TLK1: variants seen among roughly 807,000 people sequenced by gnomAD.
TLK1 encodes the protein serine/threonine-protein kinase tousled-like 1.
TLK1 carries 24 observed loss-of-function variants against 105.3 expected under a neutral mutation model. The ratio of observed to expected loss-of-function variants is 0.23; its 90% CI spans 0.17 to 0.32. The LOEUF (loss-of-function observed/expected upper bound fraction) is 0.32. Ranked by LOEUF, TLK1 falls within the 10% of genes least tolerant of loss-of-function variation. The probability of loss-of-function intolerance (pLI) is 1.00; values close to 1 mark genes in which losing one functional copy is unlikely to be tolerated. For synonymous variants in TLK1, 321 were observed against 310.4 expected (o/e 1.03, Z -0.36); for missense variants, 558 against 910.5 (o/e 0.61, Z 4.98).
intron 1 of TLK1, among the ~76,000 whole-genome samples, chr2:171,185,704 C>T (rs1558984095): frequency 6.6e-6 from 1 of 152,168 alleles, no homozygotes; most frequent in African/African-American, 2.4e-5. Context: ...CTTTGTACTC[C>T]CATAGCAGCA....
chr2:171,190,342 T>G (rs1160230987), intron 1 of TLK1, among the ~76,000 whole-genome samples: 1 of 152,202 alleles, frequency 6.6e-6, no homozygotes, highest in Non-Finnish European at 1.5e-5. Flanking sequence ...GATGTGAGTG[T>G]ACAGGCCTCA....
chr2:171,010,625 CAA>C (rs77995237), intron 14 of TLK1, among the ~76,000 whole-genome samples: 37 of 94,428 alleles, frequency 3.9e-4, no homozygotes, highest in Non-Finnish European at 4.0e-4. Flanking sequence ...ACATAAAGTA[CAA>C]AAAAAAAAAA....
intron 12 of TLK1, chr2:171,022,965 G>A: frequency 2.3e-6 from 1 of 429,492 alleles, no homozygotes; most frequent in Non-Finnish European, 4.8e-6. Context: ...CACTGTGAAG[G>A]AGTGAGAAAA....
chr2:171,087,413 A>G (rs1689028873), intron 2 of TLK1, among the ~76,000 whole-genome samples: 1 of 152,198 alleles, frequency 6.6e-6, no homozygotes, highest in South Asian at 2.1e-4. Context: ...AGTACTGAAG[A>G]TAGGTCAAGA....
At chr2:171,217,770 A>G (rs144420555) in intron 1 of TLK1, among the ~76,000 whole-genome samples, 19 of 152,384 alleles carry the variant, frequency 1.2e-4, no homozygotes, top group African/African-American at 3.8e-4. Flanking sequence ...AACAAAGAAG[A>G]GTACGTGTAA....
intron 1 of TLK1, among the ~76,000 whole-genome samples, chr2:171,202,886 A>T (rs1693430694): frequency 6.6e-6 from 1 of 152,208 alleles, no homozygotes; most frequent in African/African-American, 2.4e-5. Context: ...CAAAATATTG[A>T]TCTAATTTCC....
intron 1 of TLK1, among the ~76,000 whole-genome samples, chr2:171,170,573 G>A (rs533011893): frequency 1.3e-5 from 2 of 152,242 alleles, no homozygotes; most frequent in South Asian, 4.1e-4. Context: ...GAGTCATTGC[G>A]CCACCATCAC....
At chr2:171,070,455 T>A (rs1312288040) in intron 3 of TLK1, among the ~76,000 whole-genome samples, 2 of 152,092 alleles carry the variant, frequency 1.3e-5, no homozygotes, top group African/African-American at 4.8e-5. Flanking sequence ...AGTAACCATC[T>A]TTTTACCCTC....
At chr2:171,208,958 A>G (rs1693558800) in intron 1 of TLK1, among the ~76,000 whole-genome samples, 3 of 152,240 alleles carry the variant, frequency 2.0e-5, no homozygotes, top group Admixed American at 1.3e-4. Flanking sequence ...TCTGTTTGCA[A>G]CAGAAGAAAA....
intron 1 of TLK1, among the ~76,000 whole-genome samples, chr2:171,147,342 G>T (rs1391208834): frequency 3.3e-5 from 5 of 152,174 alleles, no homozygotes; most frequent in African/African-American, 1.2e-4. Context: ...GAAAACAACA[G>T]TGACAACAGA....
At chr2:171,053,988 G>T in intron 7 of TLK1, 135 bp from the exon 8 acceptor site, 1 of 621,854 alleles carries the variant, frequency 1.6e-6, no homozygotes, top group Non-Finnish European at 2.6e-6. Context: ...ATCTCAAAAA[G>T]TTTTAGTGCA....
chr2:171,051,946 A>C (rs879772112), intron 8 of TLK1, among the ~76,000 whole-genome samples: 1 of 152,206 alleles, frequency 6.6e-6, no homozygotes, highest in Non-Finnish European at 1.5e-5. Context: ...TGCCATACCC[A>C]AAACCAATTT....
intron 1 of TLK1, among the ~76,000 whole-genome samples, chr2:171,194,875 A>C (rs1237215655): frequency 6.6e-6 from 1 of 152,140 alleles, no homozygotes; most frequent in Non-Finnish European, 1.5e-5. Context: ...CATTAAGAGA[A>C]AAATTCATTT....
At chr2:171,037,197 T>C (rs1203273938) in intron 11 of TLK1, among the ~76,000 whole-genome samples, 1 of 151,906 alleles carries the variant, frequency 6.6e-6, no homozygotes, top group Non-Finnish European at 1.5e-5. Flanking sequence ...ATCCAAGCAC[T>C]TTGGGAGGCT....
chr2:171,180,216 TTGTC>T (rs983070324), intron 1 of TLK1, among the ~76,000 whole-genome samples: 21 of 151,888 alleles, frequency 1.4e-4, no homozygotes, highest in African/African-American at 5.1e-4. Context: ...GAGCGAGACT[TTGTC>T]TAAAAAAAAA....
At chr2:171,049,793 T>C (rs767400627) in intron 10 of TLK1, 21 bp downstream of exon 10, 50 of 1,611,504 alleles carry the variant, frequency 3.1e-5, no homozygotes, top group Non-Finnish European at 3.8e-5. Context: ...TAAAAACTTT[T>C]AAATGTTAAG....
chr2:171,102,268 TCA>T (rs1157942454), intron 2 of TLK1, among the ~76,000 whole-genome samples: 3 of 152,206 alleles, frequency 2.0e-5, no homozygotes, highest in Non-Finnish European at 4.4e-5. Flanking sequence ...TTATCTAGCA[TCA>T]CAGTTTCTCC....
chr2:171,012,410 A>C (rs1263277394), intron 13 of TLK1, among the ~76,000 whole-genome samples: 1 of 152,218 alleles, frequency 6.6e-6, no homozygotes, highest in African/African-American at 2.4e-5. Flanking sequence ...TAGCAGAAAA[A>C]TGTGGTTCCA....
chr2:171,034,459 C>T (rs1260562961), intron 11 of TLK1, among the ~76,000 whole-genome samples: 1 of 152,088 alleles, frequency 6.6e-6, no homozygotes, highest in African/African-American at 2.4e-5. Flanking sequence ...ATTTTGAAAA[C>T]TTATACTAAG....
Sources: allele counts gnomAD v4.1 joint callset (sites outside exome capture counted in the v4.1 genomes callset), GRCh38; gene constraint gnomAD v4.1.1; transcripts MANE v1.5; gene names NCBI Gene and HGNC (gene_info 2026-07-23, HGNC 2026-07-21).